The following ZNF292 variants were observed in gnomAD, a reference collection of about 807,000 sequenced individuals.
ZNF292 encodes 16 zinc-finger domain protein.
In ZNF292, 26 loss-of-function variants were observed where a neutral mutation model predicts 217.9. The observed-to-expected ratio is 0.12, with a 90% CI of 0.09 to 0.17. ZNF292 has a LOEUF of 0.17. Among genes scored for constraint, ZNF292 ranks in the 10% least tolerant of loss-of-function variants. The probability of loss-of-function intolerance (pLI) is 1.00; values close to 1 mark genes in which losing one functional copy is unlikely to be tolerated. For missense variants in ZNF292, 2,904 were observed against 3,175.2 expected (o/e 0.91, Z 2.05); for synonymous variants, 1,257 against 1,124.1 (o/e 1.12, Z -2.37).
At chr6:87,233,860 C>T (rs1467961158) in intron 5 of ZNF292, among the ~76,000 whole-genome samples, 3 of 152,168 alleles carry the variant, frequency 2.0e-5, no homozygotes, top group South Asian at 2.1e-4. Flanking sequence ...CTTCAAGATA[C>T]TTGCACATCT....
chr6:87,244,997 G>T (rs1774498916), intron 6 of ZNF292, among the ~76,000 whole-genome samples: 2 of 152,010 alleles, frequency 1.3e-5, no homozygotes, highest in South Asian at 4.1e-4. Context: ...TCCCAGCACT[G>T]TGGGTGGCCG....
chr6:87,210,043 A>AAC (rs1554198852), intron 1 of ZNF292, among the ~76,000 whole-genome samples: 1 of 151,990 alleles, frequency 6.6e-6, no homozygotes, highest in Non-Finnish European at 1.5e-5. Flanking sequence ...TAAATGTAAC[A>AAC]CCCCCGCGGT....
intron 1 of ZNF292, among the ~76,000 whole-genome samples, chr6:87,195,310 TAG>T (rs752887238): frequency 2.6e-5 from 4 of 152,288 alleles, no homozygotes; most frequent in Non-Finnish European, 4.4e-5. Flanking sequence ...GTAGAACAAG[TAG>T]AGAGTGAAAA....
chr6:87,258,508 G>A lies in ZNF292; in HGVS notation c.4879G>A (p.Ala1627Thr), dbSNP rs1775366806. Reference sequence around the variant, plus strand: ...TCATTTAAATAAAAAGGGAAACAGTGCTTCTAAGAGAAGAAAGAAAGTTGC... The same window carrying A: ...TCATTTAAATAAAAAGGGAAACAGTACTTCTAAGAGAAGAAAGAAAGTTGC... ...SSHLNKKGNS[A>T]SKRRKKVAPP... is the part of the protein sequence containing the mutation. The change falls in exon 8 of 8, where the codon GCT becomes ACT. Residue 1627 changes from alanine (A) to threonine (T), a missense_variant. Coordinates refer to ENST00000369577, the MANE Select transcript of ZNF292 (RefSeq NM_015021.3). 6.2e-7 allele frequency: 1 copy of A among 1,613,690 alleles called. No homozygotes were observed. The highest frequency in any genetic ancestry group is 8.5e-7 in the Non-Finnish European group (1 of 1,179,778).
At chr6:87,221,842 C>T (rs1407364563) in intron 4 of ZNF292, among the ~76,000 whole-genome samples, 1 of 151,970 alleles carries the variant, frequency 6.6e-6, no homozygotes, top group Admixed American at 6.6e-5. Context: ...TATGATCTGG[C>T]CAGTTTTGAG....
At chr6:87,167,823 C>A (rs1188033601) in intron 1 of ZNF292, among the ~76,000 whole-genome samples, 1 of 152,146 alleles carries the variant, frequency 6.6e-6, no homozygotes, top group Non-Finnish European at 1.5e-5. Context: ...AGGAATTCTT[C>A]GCTGATTCAG....
At position 87,218,711 on chromosome 6, in the gene ZNF292, A is replaced by C; in HGVS notation, c.518A>C (p.Glu173Ala). ...GTACTGTGCACTATTCTTTCCCAGG[A>C]ACCATTGGATAAGGATAAAGGTAAA... is the stretch of plus-strand genomic sequence containing the variant. ...NPVLCTILSQ[E>A]PLDKDKVNEF... The change falls in exon 4 of 8, where the codon GAA becomes GCA. Residue 173 changes from glutamate (E) to alanine (A), a missense_variant. Around this residue, in one of 15 missense-constraint regions of ZNF292, gnomAD observed 313 missense variants for 451.0 expected, o/e 0.69. Coordinates refer to ENST00000369577, the MANE Select transcript of ZNF292 (RefSeq NM_015021.3). 6.3e-7 allele frequency: 1 copy of C among 1,592,638 alleles called. No individual in the cohort carries two copies. Among genetic ancestry groups the C allele is most frequent in the Non-Finnish European group, 8.5e-7 (1 of 1,171,732 alleles).
intron 4 of ZNF292, chr6:87,223,516 A>G (rs919022851): frequency 6.6e-6 from 1 of 152,212 alleles, no homozygotes; most frequent in African/African-American, 2.4e-5. Flanking sequence ...TGTGCAGCCC[A>G]TCTTCAAGTG....
At chr6:87,253,220 CTTTT>C (rs66511840) in intron 7 of ZNF292, among the ~76,000 whole-genome samples, 3,302 of 118,928 alleles carry the variant, frequency 0.028, 136 homozygotes, top group African/African-American at 0.1. Flanking sequence ...CATGCCCAGC[CTTTT>C]TTTTTTTTTT....
In ZNF292 at chr6:87,255,507, T is replaced by C. The variant is rs1477811084; in HGVS notation, c.1878T>C (p.Thr626=). The part of the protein sequence containing the change: ...TTTNENQKTN[T]VAKQEQRPIK... Reference sequence around the variant, plus strand: ...CCAATGAAAATCAGAAGACTAATACTGTGGCTAAACAGGAGCAGCGACCTA... The same window carrying C: ...CCAATGAAAATCAGAAGACTAATACCGTGGCTAAACAGGAGCAGCGACCTA... The change falls in exon 8 of 8, where the codon ACT becomes ACC. Residue 626 remains threonine, a synonymous_variant. Transcript: ENST00000369577. 6.2e-7 allele frequency: 1 copy of C among 1,613,368 alleles called. No individual in the cohort carries two copies.
intron 1 of ZNF292, among the ~76,000 whole-genome samples, chr6:87,211,835 G>T (rs1245562442): frequency 1.3e-5 from 2 of 152,074 alleles, no homozygotes; most frequent in Admixed American, 6.5e-5. Flanking sequence ...TCCCCTCTAT[G>T]CCATCTCCCC....
intron 1 of ZNF292, among the ~76,000 whole-genome samples, chr6:87,175,364 T>C (rs2127775188): frequency 6.6e-6 from 1 of 152,350 alleles, no homozygotes; most frequent in South Asian, 2.1e-4. Context: ...TTTTTTGAGT[T>C]GGGGTCTCAC....
chr6:87,195,264 A>G (rs369641915), intron 1 of ZNF292, among the ~76,000 whole-genome samples: 3 of 152,382 alleles, frequency 2.0e-5, no homozygotes, highest in East Asian at 3.8e-4. Flanking sequence ...AGATTATAGC[A>G]ATATGTAAAC....
At chr6:87,243,661 A>G (rs1189901619) in intron 6 of ZNF292, 50 bp downstream of exon 6, 1 of 1,396,466 alleles carries the variant, frequency 7.2e-7, no homozygotes. Context: ...ATAAGAATGC[A>G]AAATAGGCTG....
At chr6:87,161,539 C>T (rs1770755094) in intron 1 of ZNF292, among the ~76,000 whole-genome samples, 1 of 152,200 alleles carries the variant, frequency 6.6e-6, no homozygotes, top group African/African-American at 2.4e-5. Flanking sequence ...CCTCTTGCCT[C>T]AGCCTGAGTA....
chr6:87,193,969 G>A (rs1351766358), intron 1 of ZNF292, among the ~76,000 whole-genome samples: 1 of 152,086 alleles, frequency 6.6e-6, no homozygotes, highest in Admixed American at 6.6e-5. Flanking sequence ...AGATAGAAGA[G>A]GGAGATAAAA....
At position 87,259,157 on chromosome 6, in the gene ZNF292, G is replaced by T. The variant is rs750662893; in HGVS notation, c.5528G>T (p.Gly1843Val). The change falls in exon 8 of 8, where the codon GGC becomes GTC. Residue 1843 changes from glycine to valine, a missense_variant. Gly to Val is a moderately radical substitution (Grantham distance 109). Transcript: ENST00000369577. ...KEDQIQEILE[G>V]LQKLKLENDL... The stretch of plus-strand genomic sequence containing the variant: ...GATCAAATACAGGAAATTTTAGAAG[G>T]CTTACAGAAATTAAAATTAGAAAAT... 3 of 1,613,298 alleles carry T rather than the reference G, an allele frequency of 1.9e-6. No individual in the cohort carries two copies. Among genetic ancestry groups the T allele is most frequent in the Non-Finnish European group, 2.5e-6 (3 of 1,179,600 alleles).
chr6:87,199,074 T>C (rs1284108203), intron 1 of ZNF292, among the ~76,000 whole-genome samples: 2 of 152,226 alleles, frequency 1.3e-5, no homozygotes, highest in Non-Finnish European at 2.9e-5. Flanking sequence ...TTTAACTTTT[T>C]AAGAAACTGA....
In ZNF292 at chr6:87,257,846, C is replaced by G; in HGVS notation, c.4217C>G (p.Ala1406Gly). 2.5e-6 allele frequency: 4 copies of G among 1,613,870 alleles called. No individual in the cohort carries two copies. Among genetic ancestry groups the G allele is most frequent in the Middle Eastern group, 1.7e-4 (1 of 6,060 alleles). The change falls in exon 8 of 8, where the codon GCC becomes GGC. Residue 1406 changes from alanine (A) to glycine (G), a missense_variant. Physicochemically the swap from Ala to Gly is moderately conservative, Grantham distance 60. This residue lies in a region of ZNF292 where 622 missense variants were observed against 573.1 expected (regional missense o/e 1.09). Transcript: ENST00000369577. ...TCTTACTGTAAACCACTGGATGGAG[C>G]CGAAATTGCTCAAGAACTTCTACAG... is the stretch of plus-strand genomic sequence containing the variant. Reference protein sequence around the residue: ...KRSYCKPLDGAEIAQELLQSN... With the variant: ...KRSYCKPLDGGEIAQELLQSN...
Sources: gnomAD v4.1 joint callset for allele counts (sites outside exome capture counted in the v4.1 genomes callset) on GRCh38, gnomAD v4.1.1 for gene constraint, gnomAD v4.1.1 regional missense constraint, MANE v1.5 for transcripts, NCBI Gene and HGNC (gene_info 2026-07-23, HGNC 2026-07-21) for gene names.